The following SGCZ variants were observed in gnomAD, a reference collection of about 807,000 sequenced individuals.
SGCZ encodes sarcoglycan zeta, also known as zeta-sarcoglycan.
SGCZ carries 40 observed loss-of-function variants against 41.3 expected under a neutral mutation model. That is an observed-to-expected ratio of 0.97 (90% confidence interval 0.75 to 1.26). The LOEUF (loss-of-function observed/expected upper bound fraction) is 1.26. Ranked by LOEUF, SGCZ falls within the 50% of genes most tolerant of loss-of-function variation. The pLI, the probability that SGCZ is intolerant of heterozygous loss-of-function variation, is 0.00. For missense variants in SGCZ, 552 were observed against 369.8 expected, an observed-to-expected ratio of 1.49 and a Z score of -4.04; for synonymous variants, 206 against 137.5, an observed-to-expected ratio of 1.50 and a Z score of -3.49.
At chr8:14,553,849 C>T (rs1185408905) in intron 2 of SGCZ, among the ~76,000 whole-genome samples, 3 of 152,056 alleles carry the variant, frequency 2.0e-5, no homozygotes, top group Non-Finnish European at 4.4e-5. Flanking sequence ...AGACTCACTC[C>T]TGAGGATGCA....
At chr8:14,121,329 T>C (rs1395529561) in intron 5 of SGCZ, among the ~76,000 whole-genome samples, 3 of 152,100 alleles carry the variant, frequency 2.0e-5, no homozygotes, top group Admixed American at 2.0e-4. Flanking sequence ...TATTCACTAC[T>C]ATTCTCCACT....
At chr8:14,138,636 G>A (rs1394186238) in intron 5 of SGCZ, among the ~76,000 whole-genome samples, 1 of 152,072 alleles carries the variant, frequency 6.6e-6, no homozygotes, top group Non-Finnish European at 1.5e-5. Flanking sequence ...AACAAGAAGA[G>A]CTAACTATCC....
chr8:15,179,510 G>A (rs67205345), intron 1 of SGCZ, among the ~76,000 whole-genome samples: 34,880 of 152,046 alleles, frequency 0.23, 4,551 homozygotes, highest in East Asian at 0.46. Flanking sequence ...TTACAAACCA[G>A]GAAACCAAAA....
At chr8:15,028,215 T>G (rs951222330) in intron 1 of SGCZ, among the ~76,000 whole-genome samples, 1 of 152,098 alleles carries the variant, frequency 6.6e-6, no homozygotes, top group Non-Finnish European at 1.5e-5. Flanking sequence ...TAGAATGAGG[T>G]TGCATTAAGG....
At chr8:14,570,844 T>C (rs181922462) in intron 1 of SGCZ, among the ~76,000 whole-genome samples, 97 of 152,308 alleles carry the variant, frequency 6.4e-4, no homozygotes, top group African/African-American at 2.1e-3. Context: ...TATTGTGCAA[T>C]TGAAAACAAC....
At chr8:15,069,460 T>G (rs1409493413) in intron 1 of SGCZ, among the ~76,000 whole-genome samples, 2 of 152,202 alleles carry the variant, frequency 1.3e-5, no homozygotes, top group Non-Finnish European at 2.9e-5. Flanking sequence ...ACCTCAAGAT[T>G]TTCAAGATCT....
chr8:15,235,533 C>T (rs1802092618), intron 1 of SGCZ, among the ~76,000 whole-genome samples: 1 of 152,188 alleles, frequency 6.6e-6, no homozygotes, highest in Non-Finnish European at 1.5e-5. Flanking sequence ...CCCTCTGCTG[C>T]CAGAGCACTA....
Position 14,606,639 on chromosome 8 carries a change from T to G in SGCZ, c.40-51713A>C, listed in dbSNP as rs1006018312. 2.0e-5 allele frequency among the ~76,000 whole-genome samples: 3 copies of G among 152,268 alleles called. No homozygotes were observed. In the South Asian group the frequency reaches 6.2e-4, roughly 32 times the overall value. ...TTTGAGAAACTGCAATTAAATAGGT[T>G]TACTGTTTTCCCTTACTAGACTAAC... is the stretch of plus-strand genomic sequence containing the variant. On this transcript the variant is annotated intron_variant, in intron 1 of 7. Transcript: ENST00000382080.
At chr8:15,215,096 C>A (rs13258669) in intron 1 of SGCZ, among the ~76,000 whole-genome samples, 49,579 of 152,020 alleles carry the variant, frequency 0.33, 9,918 homozygotes, top group Non-Finnish European at 0.43. Context: ...AAGTAATGAT[C>A]ATGTAGATTA....
At chr8:14,811,282 A>T (rs1438556858) in intron 1 of SGCZ, among the ~76,000 whole-genome samples, 1 of 152,048 alleles carries the variant, frequency 6.6e-6, no homozygotes, top group Non-Finnish European at 1.5e-5. Context: ...ATAAAAATTT[A>T]TTCCAATAAA....
At chr8:14,519,426 T>A (rs1379348647) in intron 2 of SGCZ, among the ~76,000 whole-genome samples, 1 of 152,162 alleles carries the variant, frequency 6.6e-6, no homozygotes, top group East Asian at 1.9e-4. Flanking sequence ...TACTGACATA[T>A]TTCTAATTAA....
At chr8:14,263,911 G>A (rs983641206) in intron 3 of SGCZ, among the ~76,000 whole-genome samples, 67 of 152,190 alleles carry the variant, frequency 4.4e-4, no homozygotes, top group African/African-American at 1.3e-3. Flanking sequence ...GTGGAGTCCC[G>A]TGCCAGGCCT....
intron 3 of SGCZ, among the ~76,000 whole-genome samples, chr8:14,319,818 T>C (rs1252053174): frequency 2.6e-5 from 4 of 152,026 alleles, no homozygotes; most frequent in Non-Finnish European, 5.9e-5. Context: ...TCATCTCCAA[T>C]CACACTGCAG....
At chr8:14,445,316 T>C (rs1399923606) in intron 2 of SGCZ, among the ~76,000 whole-genome samples, 1 of 152,180 alleles carries the variant, frequency 6.6e-6, no homozygotes, top group Non-Finnish European at 1.5e-5. Flanking sequence ...AATGTATTTT[T>C]ACTAATCGAA....
intron 1 of SGCZ, among the ~76,000 whole-genome samples, chr8:15,084,197 T>C (rs746380379): frequency 2.0e-5 from 3 of 152,206 alleles, no homozygotes; most frequent in Admixed American, 6.5e-5. Context: ...AGATCAATAT[T>C]GTCCGTGGTC....
chr8:14,106,033 T>C (rs1435957811), intron 6 of SGCZ, among the ~76,000 whole-genome samples: 2 of 152,228 alleles, frequency 1.3e-5, no homozygotes, highest in Non-Finnish European at 2.9e-5. Context: ...TTGGAATCAA[T>C]GCTCTTCACA....
chr8:14,521,538 T>C (rs923550020), intron 2 of SGCZ, among the ~76,000 whole-genome samples: 1 of 152,148 alleles, frequency 6.6e-6, no homozygotes, highest in Non-Finnish European at 1.5e-5. Context: ...TACCCAGTTG[T>C]TTAACCATCA....
chr8:14,772,678 G>T (rs1800285085), intron 1 of SGCZ, among the ~76,000 whole-genome samples: 1 of 149,346 alleles, frequency 6.7e-6, no homozygotes, highest in Non-Finnish European at 1.5e-5. Flanking sequence ...AACATGCGGT[G>T]TTTGGTTTTT....
At chr8:14,766,674 A>G (rs1325630389) in intron 1 of SGCZ, among the ~76,000 whole-genome samples, 1 of 148,290 alleles carries the variant, frequency 6.7e-6, no homozygotes, top group Non-Finnish European at 1.5e-5. Flanking sequence ...CGATTCTTTC[A>G]CCGCAGCCTC....
Sources: allele counts gnomAD v4.1 joint callset (sites outside exome capture counted in the v4.1 genomes callset), GRCh38; gene constraint gnomAD v4.1.1; transcripts MANE v1.5; gene names NCBI Gene and HGNC (gene_info 2026-07-23, HGNC 2026-07-21).